BCL2L13: variants seen among roughly 807,000 people sequenced by gnomAD.
The protein encoded by BCL2L13 is BCL2 like 13.
In BCL2L13, 13 loss-of-function variants were observed where a neutral mutation model predicts 25.8. The observed-to-expected ratio is 0.50, with a 90% confidence interval of 0.33 to 0.80. The LOEUF (loss-of-function observed/expected upper bound fraction) is 0.80. BCL2L13 is among the 30% of genes least tolerant of loss of function. The pLI, the probability that BCL2L13 is intolerant of heterozygous loss-of-function variation, is 0.02. For synonymous variants in BCL2L13, 244 were observed against 230.3 expected (o/e 1.06, Z -0.54); for missense variants, 504 against 574.9 (o/e 0.88, Z 1.26).
intron 1 of BCL2L13, among the ~76,000 whole-genome samples, chr22:17,631,693 TATATATATA>T (rs2058027985): frequency 1.9e-5 from 1 of 52,444 alleles, no homozygotes; most frequent in Admixed American, 3.1e-4. Flanking sequence ...TATATATATA[TATATATATA>T]TATATTTTTT....
In BCL2L13 at chr22:17,717,947, C is replaced by T. The variant is rs141404186; in HGVS notation, c.601-8730C>T. ...ACAAAAAATGTAAAAATTAGCCAGT[C>T]ATGATGGTGCATGCCTGTGGTCCTA... is the stretch of plus-strand genomic sequence containing the variant. On this transcript the variant is annotated intron_variant, in intron 6 of 6. Transcript: ENST00000317582. Among the ~76,000 whole-genome samples the T allele has an allele frequency of 2.2e-4, 33 of 152,184 alleles. 1 individual carries two copies. The East Asian group carries it at 6.0e-3, about 28-fold the overall frequency.
At chr22:17,710,067 T>TAA (rs71201876) in intron 6 of BCL2L13, among the ~76,000 whole-genome samples, 43,546 of 89,330 alleles carry the variant, frequency 0.49, 11,123 homozygotes, top group East Asian at 0.72. Flanking sequence ...GACCTTGTCT[T>TAA]AAAAAAAAAA....
In BCL2L13 at chr22:17,724,191, TGGGA is replaced by T. The variant is rs374792959; in HGVS notation, c.601-2485_601-2482del. On this transcript the variant is annotated intron_variant, in intron 6 of 6. Coordinates refer to ENST00000317582, the MANE Select transcript of BCL2L13 (RefSeq NM_015367.4). Reference sequence around the variant, plus strand: ...AGGAGGCTGAGGCTAGAGGATCCCTTGGGACCAGAAGGTTGAGGCTGCAGTGAGC... The same window carrying T: ...AGGAGGCTGAGGCTAGAGGATCCCTTCCAGAAGGTTGAGGCTGCAGTGAGC... Among the ~76,000 whole-genome samples the T allele has an allele frequency of 3.9e-3, 597 of 152,234 alleles. 4 individuals carry two copies. Among genetic ancestry groups the T allele is most frequent in the African/African-American group, 0.014 (579 of 41,542 alleles).
intron 2 of BCL2L13, among the ~76,000 whole-genome samples, chr22:17,669,086 G>A (rs1416436092): frequency 7.0e-6 from 1 of 142,054 alleles, no homozygotes; most frequent in Non-Finnish European, 1.5e-5. Flanking sequence ...AGGCTGGAGT[G>A]CAGTGGTGCG....
At chr22:17,679,873 A>G (rs2059683640) in intron 2 of BCL2L13, among the ~76,000 whole-genome samples, 1 of 151,952 alleles carries the variant, frequency 6.6e-6, no homozygotes, top group Non-Finnish European at 1.5e-5. Flanking sequence ...CTCCTGTGTA[A>G]TAGAAATTGA....
At chr22:17,631,910 TG>T (rs1398145173) in intron 1 of BCL2L13, among the ~76,000 whole-genome samples, 1 of 150,734 alleles carries the variant, frequency 6.6e-6, no homozygotes, top group East Asian at 2.0e-4. Context: ...TTAGTAGAGA[TG>T]GGGTTTCACC....
intron 1 of BCL2L13, among the ~76,000 whole-genome samples, chr22:17,648,417 G>A (rs1241819163): frequency 6.6e-6 from 1 of 151,978 alleles, no homozygotes; most frequent in Non-Finnish European, 1.5e-5. Flanking sequence ...AGAAGTTGGG[G>A]CCAGATATGG....
At chr22:17,638,713 C>T (rs2058155408), upstream of BCL2L13, 2 of 1,231,600 alleles carry the variant, frequency 1.6e-6, no homozygotes, top group African/African-American at 1.6e-5. Flanking sequence ...AGTTCAGGTC[C>T]CGCCCCGACG....
In BCL2L13 at chr22:17,727,948, C is replaced by G. The variant is rs1363057338; in HGVS notation, c.*414C>G. 2.0e-5 allele frequency: 4 copies of G among 196,554 alleles called. No homozygotes were observed. Among genetic ancestry groups the G allele is most frequent in the East Asian group, 2.2e-4 (2 of 8,894 alleles). 12.2% of individuals were successfully genotyped at this position (196,554 alleles called of 1,614,324 possible). A position where few individuals can be genotyped will look rare whatever the true frequency, so the allele number is the denominator to read the frequency against. The stretch of plus-strand genomic sequence containing the variant: ...ATTGCCAAATGTCCCGTGTGAACAT[C>G]CCCTATTGAGACCCACTGCTTTAGC... On this transcript the variant is annotated 3_prime_UTR_variant, in exon 7 of 7. Coordinates refer to ENST00000317582, the MANE Select transcript of BCL2L13 (RefSeq NM_015367.4).
chr22:17,720,289 C>T (rs534503275), intron 6 of BCL2L13, among the ~76,000 whole-genome samples: 3 of 152,140 alleles, frequency 2.0e-5, no homozygotes, highest in Non-Finnish European at 4.4e-5. Context: ...CCACCTCAGC[C>T]TCCTGAGTAG....
chr22:17,631,866 C>T (rs989928176), intron 1 of BCL2L13, among the ~76,000 whole-genome samples: 2 of 150,558 alleles, frequency 1.3e-5, no homozygotes, highest in South Asian at 2.1e-4. Context: ...GGACTATAGG[C>T]GCGTGCCACC....
chr22:17,655,967 G>A lies in BCL2L13; in HGVS notation c.121+135G>A, dbSNP rs954965936. 1.2e-5 allele frequency: 11 copies of A among 893,220 alleles called. No individual in the cohort carries two copies. In the African/African-American group the frequency reaches 1.9e-4, roughly 15 times the overall value. The allele number at this position is 893,220 out of a possible 1,614,324, so 55.3% of individuals were successfully genotyped here. A position where few individuals can be genotyped will look rare whatever the true frequency, so the allele number is the denominator to read the frequency against. ...TGTAAGAATAACCTGTTAGGGCTGG[G>A]CGCGGTGGCTCACACCTGTTATGCC... On this transcript the variant is annotated intron_variant, in intron 2 of 6. Transcript: ENST00000317582.
At chr22:17,637,517 G>A (rs2058132626), upstream of BCL2L13, among the ~76,000 whole-genome samples, 1 of 151,770 alleles carries the variant, frequency 6.6e-6, no homozygotes, top group Non-Finnish European at 1.5e-5. Context: ...TGGGATTACA[G>A]GCGCGTGACA....
At position 17,657,129 on chromosome 22, in the gene BCL2L13, A is replaced by C. The variant is rs2058899683; in HGVS notation, c.121+1297A>C. Among the ~76,000 whole-genome samples the C allele has an allele frequency of 2.6e-5, 4 of 152,030 alleles. No homozygotes were observed. In the South Asian group the frequency reaches 8.3e-4, roughly 32 times the overall value. Reference sequence around the variant, plus strand: ...CCCCAGGCCGGCTTGGCTGCTTTTTAGAGATTCTCCGTCTTTGGTGGTGTT... The same window carrying C: ...CCCCAGGCCGGCTTGGCTGCTTTTTCGAGATTCTCCGTCTTTGGTGGTGTT... On this transcript the variant is annotated intron_variant, in intron 2 of 6. Coordinates refer to ENST00000317582, the MANE Select transcript of BCL2L13 (RefSeq NM_015367.4).
At chr22:17,670,420 G>A (rs2059380157) in intron 2 of BCL2L13, among the ~76,000 whole-genome samples, 1 of 145,582 alleles carries the variant, frequency 6.9e-6, no homozygotes, top group Admixed American at 7.2e-5. Context: ...TGTTGCCCAG[G>A]TTGGAGTGCA....
At chr22:17,665,160 C>T (rs2059196933) in intron 2 of BCL2L13, among the ~76,000 whole-genome samples, 3 of 152,120 alleles carry the variant, frequency 2.0e-5, no homozygotes, top group African/African-American at 4.8e-5. Flanking sequence ...ATTTCTTCTG[C>T]CAGATACCCT....
At chr22:17,646,922 G>A (rs28439137) in intron 1 of BCL2L13, among the ~76,000 whole-genome samples, 15,427 of 59,646 alleles carry the variant, frequency 0.26, 1,792 homozygotes, top group Non-Finnish European at 0.33. Context: ...GTGTGTGTGT[G>A]TATAAACTAC....
chr22:17,657,823 C>CTTTTTTTTTTTTTTTTTTT (rs71201859), intron 2 of BCL2L13, among the ~76,000 whole-genome samples: 1 of 85,772 alleles, frequency 1.2e-5, no homozygotes, highest in Non-Finnish European at 2.1e-5. Context: ...GTTGACATTT[C>CTTTTTTTTTTTTTTTTTTT]TTTTTTTTTT....
At chr22:17,641,366 G>A (rs1293877140) in intron 1 of BCL2L13, among the ~76,000 whole-genome samples, 1 of 151,804 alleles carries the variant, frequency 6.6e-6, no homozygotes, top group African/African-American at 2.4e-5. Flanking sequence ...GTGGGGGTGG[G>A]TGGTATTTTC....
Sources: allele counts gnomAD v4.1 joint callset (sites outside exome capture counted in the v4.1 genomes callset), GRCh38; gene constraint gnomAD v4.1.1; transcripts MANE v1.5; gene names NCBI Gene and HGNC (gene_info 2026-07-23, HGNC 2026-07-21).